Variants in FAM163A observed in about 807,000 individuals in gnomAD.
FAM163A encodes the protein family with sequence similarity 163 member A, also known as protein FAM163A.
In FAM163A, 7 loss-of-function variants were observed where a neutral mutation model predicts 12.0. The ratio of observed to expected loss-of-function variants is 0.58; its 90% CI spans 0.33 to 1.10. FAM163A has a LOEUF of 1.10. Ranked by LOEUF, FAM163A falls within the 50% of genes least tolerant of loss-of-function variation. The pLI is 0.03. For synonymous variants in FAM163A, 101 were observed against 91.0 expected (o/e 1.11, Z -0.62); for missense variants, 202 against 218.6 (o/e 0.92, Z 0.48).
At chr1:179,774,199 T>C (rs911478662) in intron 1 of FAM163A, among the ~76,000 whole-genome samples, 6 of 152,202 alleles carry the variant, frequency 3.9e-5, no homozygotes, top group Admixed American at 1.3e-4. Context: ...CAGCCAGAAC[T>C]CTGCCTGAGG....
At chr1:179,776,165 C>T (rs1045077603) in intron 1 of FAM163A, among the ~76,000 whole-genome samples, 1 of 152,078 alleles carries the variant, frequency 6.6e-6, no homozygotes, top group Non-Finnish European at 1.5e-5. Context: ...GAGATAAGAG[C>T]AGTGTAAATC....
chr1:179,771,713 A>T (rs931029270), intron 1 of FAM163A, among the ~76,000 whole-genome samples: 2 of 151,182 alleles, frequency 1.3e-5, no homozygotes, highest in Non-Finnish European at 1.5e-5. Flanking sequence ...CCACATCATC[A>T]CAGCTCCACA....
At chr1:179,812,992 C>A in intron 3 of FAM163A, 84 bp from the exon 4 acceptor site, 1 of 1,303,022 alleles carries the variant, frequency 7.7e-7, no homozygotes, top group Non-Finnish European at 1.1e-6. Context: ...GCCCCAGCCT[C>A]GGGGCAGTTC....
chr1:179,732,306 A>G, the FAM163A span, among the ~76,000 whole-genome samples: 1 of 152,222 alleles, frequency 6.6e-6, no homozygotes, highest in African/African-American at 2.4e-5. Flanking sequence ...ACCCATGCCA[A>G]AACAGAAATT....
chr1:179,735,535 G>C, the FAM163A span, among the ~76,000 whole-genome samples: 1 of 116,886 alleles, frequency 8.6e-6, no homozygotes, highest in Non-Finnish European at 1.6e-5. Flanking sequence ...ACGGAGTCTC[G>C]TTGTGTCGCC....
rs150065139 is a variant in FAM163A at position 179,796,336 on chromosome 1, A to G, written c.-135-11462A>G. Among the ~76,000 whole-genome samples the G allele has an allele frequency of 9.8e-3, 1,498 of 152,272 alleles. 25 individuals are homozygous for G. The highest frequency in any genetic ancestry group is 0.034 in the African/African-American group (1,418 of 41,530). ...CAACTCACAAAAGAAAAAAAAAGTTACCCTGTGGGCTCCATCTCTTCAAGG... is the reference window on the plus strand; with the variant it reads ...CAACTCACAAAAGAAAAAAAAAGTTGCCCTGTGGGCTCCATCTCTTCAAGG... On this transcript the variant is annotated intron_variant, in intron 1 of 4. Transcript: ENST00000341785.
chr1:179,800,818 G>A (rs1386883352), intron 1 of FAM163A, among the ~76,000 whole-genome samples: 2 of 152,208 alleles, frequency 1.3e-5, no homozygotes, highest in African/African-American at 4.8e-5. Flanking sequence ...ATGATCAGGA[G>A]CCTGAGGTTC....
In FAM163A at chr1:179,801,858, C is replaced by T. The variant is rs147527250; in HGVS notation, c.-135-5940C>T. ...CGGCCGGAGTGGAGCTTAACAAAGA[C>T]GCGTGATTCCAAGTCTGTGCCCCCA... On this transcript the variant is annotated intron_variant, in intron 1 of 4. Coordinates refer to ENST00000341785, the MANE Select transcript of FAM163A (RefSeq NM_173509.3). Among the ~76,000 whole-genome samples, 931 of 152,238 alleles carry T rather than the reference C, an allele frequency of 6.1e-3. 8 individuals carry two copies. The highest frequency in any genetic ancestry group is 0.011 in the South Asian group (51 of 4,822).
At chr1:179,800,606 A>G (rs1169114927) in intron 1 of FAM163A, among the ~76,000 whole-genome samples, 3 of 152,204 alleles carry the variant, frequency 2.0e-5, no homozygotes, top group African/African-American at 7.2e-5. Flanking sequence ...AGGACAGGCC[A>G]TGTTTTCTCT....
the FAM163A span, among the ~76,000 whole-genome samples, chr1:179,735,828 T>G: frequency 6.6e-6 from 1 of 151,942 alleles, no homozygotes; most frequent in Non-Finnish European, 1.5e-5. Context: ...TAAGACAGGG[T>G]GGATGGGAAG....
chr1:179,731,118 T>TA, the FAM163A span, among the ~76,000 whole-genome samples: 4 of 152,250 alleles, frequency 2.6e-5, no homozygotes, highest in Non-Finnish European at 4.4e-5. Context: ...ACAAACCTGA[T>TA]ACATTTTTTG....
intron 1 of FAM163A, among the ~76,000 whole-genome samples, chr1:179,782,225 G>GT (rs113849778): frequency 0.021 from 3,132 of 152,136 alleles, 68 homozygotes; most frequent in African/African-American, 0.054. Context: ...GGCTGAGGCT[G>GT]TTTTTCCAAT....
At chr1:179,730,957 A>G in the FAM163A span, among the ~76,000 whole-genome samples, 1 of 152,226 alleles carries the variant, frequency 6.6e-6, no homozygotes, top group Admixed American at 6.5e-5. Context: ...GGAAAGCCCA[A>G]GGTTTACACA....
chr1:179,756,743 G>A (rs1164127602), intron 1 of FAM163A, among the ~76,000 whole-genome samples: 1 of 152,178 alleles, frequency 6.6e-6, no homozygotes, highest in Non-Finnish European at 1.5e-5. Context: ...TCATGGTGGG[G>A]GAAGTGTGGA....
intron 1 of FAM163A, among the ~76,000 whole-genome samples, chr1:179,781,079 G>A (rs1689660681): frequency 6.6e-6 from 1 of 152,172 alleles, no homozygotes; most frequent in African/African-American, 2.4e-5. Context: ...AAGCATACAC[G>A]ATGGCTTTAA....
intron 1 of FAM163A, among the ~76,000 whole-genome samples, chr1:179,786,206 G>A (rs1690600406): frequency 6.6e-6 from 1 of 152,136 alleles, no homozygotes; most frequent in Admixed American, 6.5e-5. Flanking sequence ...CATCACAAAA[G>A]GCTCCCAGAG....
At chr1:179,756,986 A>G (rs1473674307) in intron 1 of FAM163A, among the ~76,000 whole-genome samples, 1 of 152,216 alleles carries the variant, frequency 6.6e-6, no homozygotes, top group Non-Finnish European at 1.5e-5. Context: ...GAATAAACAA[A>G]TTGCAAGGAA....
chr1:179,766,954 C>G (rs2148080210), intron 1 of FAM163A, among the ~76,000 whole-genome samples: 1 of 152,230 alleles, frequency 6.6e-6, no homozygotes, highest in African/African-American at 2.4e-5. Flanking sequence ...CAGGGTTTCA[C>G]CATGTTGGCC....
chr1:179,810,818 C>A (rs1694606835), intron 2 of FAM163A, among the ~76,000 whole-genome samples: 1 of 152,050 alleles, frequency 6.6e-6, no homozygotes, highest in Non-Finnish European at 1.5e-5. Flanking sequence ...GGATCACCCA[C>A]CTTGGTGGGT....
Sources: gnomAD v4.1 joint callset for allele counts (sites outside exome capture counted in the v4.1 genomes callset) on GRCh38, gnomAD v4.1.1 for gene constraint, MANE v1.5 for transcripts, NCBI Gene and HGNC (gene_info 2026-07-23, HGNC 2026-07-21) for gene names.